Variants in PTK2 observed in about 807,000 individuals in gnomAD.
PTK2 encodes protein tyrosine kinase 2.
Under a neutral mutation model 150.1 loss-of-function variants are expected in PTK2, and 45 were observed. That is an observed-to-expected ratio of 0.30 (90% CI 0.24 to 0.38). The LOEUF (loss-of-function observed/expected upper bound fraction) is 0.38. PTK2 is among the 10% of genes least tolerant of loss of function. PTK2 has a pLI of 1.00. For missense variants in PTK2, 919 were observed against 1,307.3 expected, an observed-to-expected ratio of 0.70 and a Z score of 4.58; for synonymous variants, 432 against 449.2, an observed-to-expected ratio of 0.96 and a Z score of 0.48.
At chr8:140,683,424 C>T (rs1290336441) in intron 27 of PTK2, among the ~76,000 whole-genome samples, 1 of 152,078 alleles carries the variant, frequency 6.6e-6, no homozygotes, top group African/African-American at 2.4e-5. Context: ...AACAGATGTA[C>T]AAAGATGAGC....
At chr8:140,718,695 A>G (rs1345220448) in intron 22 of PTK2, 2 of 152,210 alleles carry the variant, frequency 1.3e-5, no homozygotes, top group Non-Finnish European at 2.9e-5. Context: ...AACTGTTTAA[A>G]AAGACATTCC....
rs59071314 is a variant in PTK2 at position 140,681,547 on chromosome 8, A to AG, written c.2562+5084dup. On this transcript the variant is annotated intron_variant, in intron 27 of 31. Coordinates refer to ENST00000522684, the Ensembl canonical transcript of PTK2. ...AGCACTTTGGGAGGCGGAGGCGGGCAGGGGGGGATCACGAAGTCAGGAGAT... is the reference window on the plus strand; with the variant it reads ...AGCACTTTGGGAGGCGGAGGCGGGCAGGGGGGGGATCACGAAGTCAGGAGAT... Among the ~76,000 whole-genome samples the AG allele has an allele frequency of 6.6e-3, 1,001 of 151,586 alleles. 9 individuals are homozygous for AG. Among genetic ancestry groups the AG allele is most frequent in the Non-Finnish European group, 0.01 (699 of 67,740 alleles).
At chr8:140,890,283 C>A in intron 3 of PTK2, 4 of 353,808 alleles carry the variant, frequency 1.1e-5, no homozygotes, top group Non-Finnish European at 1.5e-5. Context: ...AAAAAAAAAC[C>A]TAGAAGGGAA....
chr8:140,801,327 G>A (rs972480092), intron 11 of PTK2, among the ~76,000 whole-genome samples: 3 of 152,218 alleles, frequency 2.0e-5, no homozygotes, highest in Admixed American at 1.3e-4. Context: ...CCACCAGACT[G>A]TCCAGATCCT....
At chr8:140,980,792 C>T (rs2100191123) in intron 1 of PTK2, among the ~76,000 whole-genome samples, 1 of 147,946 alleles carries the variant, frequency 6.8e-6, no homozygotes, top group South Asian at 2.2e-4. Flanking sequence ...ACACTGTCGC[C>T]TGGGTTGGTG....
intron 1 of PTK2, among the ~76,000 whole-genome samples, chr8:140,947,222 G>C (rs1366094064): frequency 6.6e-6 from 1 of 152,026 alleles, no homozygotes; most frequent in Non-Finnish European, 1.5e-5. Flanking sequence ...CCCCAGCATT[G>C]CTTTTTCCAC....
At chr8:140,922,739 T>C (rs1283429135) in intron 2 of PTK2, among the ~76,000 whole-genome samples, 4 of 152,206 alleles carry the variant, frequency 2.6e-5, no homozygotes, top group African/African-American at 9.7e-5. Context: ...GGTATTACAA[T>C]TCTTTTAAAA....
rs904990966 is a variant in PTK2 at position 140,668,213 on chromosome 8, A to G, written c.2865+56T>C. The stretch of plus-strand genomic sequence containing the variant: ...CTAGAGACATCTATCAACTGGCACC[A>G]CAGCTTACAGGAAACAAGAACATTT... On this transcript the variant is annotated intron_variant, in intron 30 of 31. Coordinates refer to ENST00000522684, the Ensembl canonical transcript of PTK2. The G allele has an allele frequency of 2.4e-5, 38 of 1,602,578 alleles. No homozygotes were observed. The Middle Eastern group carries it at 8.2e-4, about 35-fold the overall frequency.
At chr8:140,659,636 G>A in exon 32 of PTK2, 2 of 1,614,170 alleles carry the variant, frequency 1.2e-6, no homozygotes, top group Non-Finnish European at 1.7e-6. Flanking sequence ...TTGTTGATGA[G>A]CTCACCCAGG....
intron 17 of PTK2, among the ~76,000 whole-genome samples, chr8:140,750,821 C>G (rs942873599): frequency 2.0e-5 from 3 of 152,194 alleles, no homozygotes; most frequent in African/African-American, 4.8e-5. Flanking sequence ...CACAGTGGCT[C>G]ACGCCTGTAA....
At chr8:140,825,842 T>C (rs1003338240) in intron 8 of PTK2, among the ~76,000 whole-genome samples, 2 of 152,250 alleles carry the variant, frequency 1.3e-5, no homozygotes, top group African/African-American at 4.8e-5. Context: ...CTGTAGAATG[T>C]CCCTCAATTT....
chr8:140,853,347 C>A (rs2100130539), intron 5 of PTK2, among the ~76,000 whole-genome samples: 1 of 106,046 alleles, frequency 9.4e-6, no homozygotes, highest in Non-Finnish European at 1.8e-5. Context: ...CCCCTCCCCC[C>A]ACCCCACGAC....
intron 17 of PTK2, among the ~76,000 whole-genome samples, chr8:140,750,751 G>A (rs1314675578): frequency 6.6e-6 from 1 of 152,164 alleles, no homozygotes; most frequent in Non-Finnish European, 1.5e-5. Flanking sequence ...CTTCTTCAGA[G>A]GAGGCACAAA....
intron 25 of PTK2, among the ~76,000 whole-genome samples, chr8:140,702,083 G>T (rs1349322128): frequency 3.3e-5 from 4 of 120,206 alleles, no homozygotes; most frequent in Non-Finnish European, 4.8e-5. Flanking sequence ...AGCCAAGATC[G>T]TGCCACTGCA....
chr8:140,798,769 T>C (rs931305580), intron 12 of PTK2, among the ~76,000 whole-genome samples: 18 of 152,214 alleles, frequency 1.2e-4, no homozygotes, highest in African/African-American at 4.3e-4. Flanking sequence ...AATTACTATC[T>C]TTATGTAAAG....
intron 8 of PTK2, among the ~76,000 whole-genome samples, chr8:140,819,763 T>A (rs1002829076): frequency 2.0e-5 from 3 of 152,212 alleles, no homozygotes; most frequent in Non-Finnish European, 4.4e-5. Context: ...ATGAAGGAGA[T>A]AAAGCAACGA....
chr8:140,819,771 C>T (rs1215339922), intron 8 of PTK2, among the ~76,000 whole-genome samples: 1 of 152,190 alleles, frequency 6.6e-6, no homozygotes, highest in African/African-American at 2.4e-5. Flanking sequence ...GATAAAGCAA[C>T]GATGCTTTTG....
At chr8:140,979,206 C>T (rs1296132440) in intron 1 of PTK2, among the ~76,000 whole-genome samples, 3 of 150,016 alleles carry the variant, frequency 2.0e-5, no homozygotes, top group African/African-American at 7.4e-5. Flanking sequence ...CACATGTATA[C>T]ATATGTAACA....
At position 140,967,441 on chromosome 8, in the gene PTK2, A is replaced by ATTTC. The variant is rs1208751183; in HGVS notation, c.-122+33680_-122+33683dup. Among the ~76,000 whole-genome samples, 52 of 147,906 alleles carry ATTTC rather than the reference A, an allele frequency of 3.5e-4. 2 individuals carry two copies. Among genetic ancestry groups the ATTTC allele is most frequent in the Middle Eastern group, 3.5e-3 (1 of 286 alleles). ...GTGCTAAATAAGGCTCAAACCCAGT[A>ATTTC]TTTCTTTCTTTCTTTCTTTCTTTTT... On this transcript the variant is annotated intron_variant, in intron 1 of 31. Coordinates refer to ENST00000522684, the Ensembl canonical transcript of PTK2.
Sources: gnomAD v4.1 joint callset for allele counts (sites outside exome capture counted in the v4.1 genomes callset) on GRCh38, gnomAD v4.1.1 for gene constraint, MANE v1.5 for transcripts, NCBI Gene and HGNC (gene_info 2026-07-23, HGNC 2026-07-21) for gene names.